FSTL5: variants seen among roughly 807,000 people sequenced by gnomAD.
FSTL5 encodes the protein follistatin like 5.
Under a neutral mutation model 89.1 loss-of-function variants are expected in FSTL5, and 62 were observed. The ratio of observed to expected loss-of-function variants is 0.70; its 90% CI spans 0.57 to 0.86. FSTL5 has a LOEUF of 0.86. Among genes scored for constraint, FSTL5 ranks in the 40% least tolerant of loss-of-function variants. The pLI is 0.00. For synonymous variants in FSTL5, 383 were observed against 346.2 expected, an observed-to-expected ratio of 1.11 and a Z score of -1.18; for missense variants, 1,057 against 1,001.6, an observed-to-expected ratio of 1.06 and a Z score of -0.75.
intron 4 of FSTL5, among the ~76,000 whole-genome samples, chr4:161,914,522 TAAAC>T (rs1468948817): frequency 1.3e-5 from 2 of 152,144 alleles, no homozygotes; most frequent in Non-Finnish European, 2.9e-5. Flanking sequence ...TCATAAAAGA[TAAAC>T]AAAATTAACC....
intron 6 of FSTL5, among the ~76,000 whole-genome samples, chr4:161,704,669 G>C (rs1738510798): frequency 6.6e-6 from 1 of 151,940 alleles, no homozygotes; most frequent in Admixed American, 6.6e-5. Flanking sequence ...CTAGTTAAGA[G>C]TATTAAGCTC....
At chr4:161,711,699 C>G (rs534916492) in intron 6 of FSTL5, among the ~76,000 whole-genome samples, 39 of 152,048 alleles carry the variant, frequency 2.6e-4, no homozygotes, top group African/African-American at 7.2e-4. Flanking sequence ...ACAACAGTAT[C>G]CCTTATGAAT....
chr4:161,518,691 G>A (rs759598257), intron 10 of FSTL5, among the ~76,000 whole-genome samples: 5 of 151,962 alleles, frequency 3.3e-5, no homozygotes, highest in African/African-American at 7.2e-5. Context: ...TAAAGCCACC[G>A]CAAAAATAAA....
At chr4:162,089,016 A>G (rs1730434390) in intron 2 of FSTL5, among the ~76,000 whole-genome samples, 1 of 152,150 alleles carries the variant, frequency 6.6e-6, no homozygotes, top group African/African-American at 2.4e-5. Flanking sequence ...CTCTGCCCTC[A>G]TGAATAGATC....
intron 2 of FSTL5, among the ~76,000 whole-genome samples, chr4:162,097,822 T>G (rs765588357): frequency 3.3e-5 from 5 of 151,914 alleles, no homozygotes; most frequent in African/African-American, 7.2e-5. Flanking sequence ...CAGCAAATAC[T>G]GTCAAAAATG....
chr4:162,131,809 G>A (rs1018557146), intron 1 of FSTL5, among the ~76,000 whole-genome samples: 3 of 152,116 alleles, frequency 2.0e-5, no homozygotes, highest in Non-Finnish European at 2.9e-5. Context: ...CTCTTTTTCC[G>A]CAGTCATAGA....
intron 4 of FSTL5, among the ~76,000 whole-genome samples, chr4:161,864,474 A>G (rs1732014238): frequency 6.6e-6 from 1 of 152,180 alleles, no homozygotes. Flanking sequence ...TAGGGCTGGG[A>G]AAATAGATTA....
chr4:162,115,828 G>C (rs1185323108), intron 1 of FSTL5, among the ~76,000 whole-genome samples: 1 of 152,048 alleles, frequency 6.6e-6, no homozygotes, highest in Non-Finnish European at 1.5e-5. Context: ...CTGCTTGCTG[G>C]GGGTAGGATT....
chr4:162,117,744 A>G (rs1299009848), intron 1 of FSTL5, among the ~76,000 whole-genome samples: 1 of 152,188 alleles, frequency 6.6e-6, no homozygotes, highest in African/African-American at 2.4e-5. Context: ...TCTGTATCCA[A>G]CCACAAAGTT....
chr4:161,438,965 T>A (rs1414852948), intron 15 of FSTL5, among the ~76,000 whole-genome samples: 1 of 152,070 alleles, frequency 6.6e-6, no homozygotes, highest in Non-Finnish European at 1.5e-5. Flanking sequence ...ATTATAGTTT[T>A]TTTTTTTTAA....
At chr4:161,704,111 A>C (rs2126732388) in intron 6 of FSTL5, among the ~76,000 whole-genome samples, 1 of 152,036 alleles carries the variant, frequency 6.6e-6, no homozygotes, top group East Asian at 1.9e-4. Context: ...ATTCAAAGTC[A>C]CCCCTCTGCT....
rs1401847622 is a variant in FSTL5 at position 161,705,972 on chromosome 4, A to G, written c.728-49478T>C. Among the ~76,000 whole-genome samples the G allele has an allele frequency of 1.1e-3, 85 of 78,934 alleles. 4 individuals are homozygous for G. Among genetic ancestry groups the G allele is most frequent in the African/African-American group, 3.9e-3 (72 of 18,368 alleles). The allele number at this position is 78,934 out of a possible 152,430, so 51.8% of individuals were successfully genotyped here. A position where few individuals can be genotyped will look rare whatever the true frequency, so the allele number is the denominator to read the frequency against. ...TGTGTGTATATATATATATATATATATATATATATATATATATATATATAC... is the reference window on the plus strand; with the variant it reads ...TGTGTGTATATATATATATATATATGTATATATATATATATATATATATAC... On this transcript the variant is annotated intron_variant, in intron 6 of 15. Transcript: ENST00000306100.
chr4:161,754,350 T>G (rs1237807655), intron 6 of FSTL5, among the ~76,000 whole-genome samples: 1 of 152,114 alleles, frequency 6.6e-6, no homozygotes, highest in Non-Finnish European at 1.5e-5. Flanking sequence ...ACATTAGAAG[T>G]TGAACACACA....
intron 3 of FSTL5, among the ~76,000 whole-genome samples, chr4:161,932,082 C>G (rs1322193785): frequency 6.6e-6 from 1 of 151,814 alleles, no homozygotes; most frequent in Non-Finnish European, 1.5e-5. Flanking sequence ...AGATAAAAAG[C>G]AGAAGCAATT....
At chr4:162,112,250 CA>C (rs1261975496) in intron 1 of FSTL5, among the ~76,000 whole-genome samples, 6 of 151,870 alleles carry the variant, frequency 4.0e-5, no homozygotes, top group Admixed American at 3.9e-4. Context: ...GAAACTTAAT[CA>C]ATTGATTAGC....
In FSTL5 at chr4:161,384,969, A is replaced by G. The variant is rs1730562512; in HGVS notation, c.*778T>C. On this transcript the variant is annotated 3_prime_UTR_variant, in exon 16 of 16. Coordinates refer to ENST00000306100, the MANE Select transcript of FSTL5 (RefSeq NM_020116.5). ...CAAACTTGCATTAAAAACATAATGCACTCTAGTGATTGAAAGCAAAATGAG... is the reference window on the plus strand; with the variant it reads ...CAAACTTGCATTAAAAACATAATGCGCTCTAGTGATTGAAAGCAAAATGAG... 6.6e-6 allele frequency: 1 copy of G among 152,130 alleles called. No homozygotes were observed. The highest frequency in any genetic ancestry group is 6.5e-5 in the Admixed American group (1 of 15,274). The allele number at this position is 152,130 out of a possible 1,614,324, so 9.4% of individuals were successfully genotyped here.
At chr4:161,570,261 C>T (rs1248957470) in intron 8 of FSTL5, among the ~76,000 whole-genome samples, 1 of 151,972 alleles carries the variant, frequency 6.6e-6, no homozygotes, top group Non-Finnish European at 1.5e-5. Flanking sequence ...TCTGGGTAAG[C>T]TTCATTGAAA....
chr4:161,521,848 C>CA (rs11405532), intron 10 of FSTL5, among the ~76,000 whole-genome samples: 9,657 of 57,670 alleles, frequency 0.17, 1,464 homozygotes, highest in South Asian at 0.25. Flanking sequence ...GACTCCACCT[C>CA]AAAAAAAAAA....
chr4:161,399,315 A>C (rs1211215696), intron 15 of FSTL5, among the ~76,000 whole-genome samples: 2 of 152,182 alleles, frequency 1.3e-5, no homozygotes, highest in Non-Finnish European at 2.9e-5. Flanking sequence ...TTACGGTAAC[A>C]TAAACAATTA....
Sources: allele counts gnomAD v4.1 joint callset (sites outside exome capture counted in the v4.1 genomes callset), GRCh38; gene constraint gnomAD v4.1.1; transcripts MANE v1.5; gene names NCBI Gene and HGNC (gene_info 2026-07-23, HGNC 2026-07-21).